VPS13A: variants seen among roughly 807,000 people sequenced by gnomAD.
VPS13A encodes vacuolar protein sorting 13 homolog A, also known as intermembrane lipid transfer protein VPS13A.
Under a neutral mutation model 390.9 loss-of-function variants are expected in VPS13A, and 264 were observed. The observed-to-expected ratio is 0.68, with a 90% CI of 0.61 to 0.75. The LOEUF (loss-of-function observed/expected upper bound fraction) is 0.75. VPS13A is among the 30% of genes least tolerant of loss of function. VPS13A has a pLI of 0.00. For missense variants in VPS13A, 3,409 were observed against 3,733.9 expected (o/e 0.91, Z 2.27); for synonymous variants, 1,231 against 1,227.1 (o/e 1.00, Z -0.07).
At chr9:77,316,814 C>T (rs943303162) in intron 39 of VPS13A, among the ~76,000 whole-genome samples, 1 of 151,974 alleles carries the variant, frequency 6.6e-6, no homozygotes, top group Non-Finnish European at 1.5e-5. Context: ...ATGAGTTTTT[C>T]CTTGTCTCCA....
At chr9:77,272,824 T>A (rs1826427534) in intron 23 of VPS13A, among the ~76,000 whole-genome samples, 1 of 152,296 alleles carries the variant, frequency 6.6e-6, no homozygotes, top group African/African-American at 2.4e-5. Context: ...TTTATTATTA[T>A]TTTTTTAAAC....
chr9:77,366,940 G>A lies in VPS13A; in HGVS notation c.8471+68G>A, dbSNP rs927898964. ...TATTTTATATGTCCCTAAAAATTTC[G>A]TAAATGAAAAAGTGTGTGAAGTACG... is the stretch of plus-strand genomic sequence containing the variant. On this transcript the variant is annotated intron_variant, in intron 61 of 71. Transcript: ENST00000360280. 36 of 1,540,912 alleles carry A rather than the reference G, an allele frequency of 2.3e-5. 1 individual carries two copies. The African/African-American group carries it at 2.6e-4, about 11-fold the overall frequency.
At chr9:77,228,052 A>G in intron 16 of VPS13A, 70 bp from the exon 17 acceptor site, 3 of 1,154,872 alleles carry the variant, frequency 2.6e-6, no homozygotes, top group South Asian at 2.1e-5. Flanking sequence ...AAATGAATGT[A>G]CTATAAGAAT....
intron 59 of VPS13A, 77 bp from the exon 60 acceptor site, chr9:77,365,383 C>A: frequency 1.1e-6 from 1 of 889,938 alleles, no homozygotes; most frequent in Non-Finnish European, 1.9e-6. Context: ...AGAGTTTTGG[C>A]AGTGTGTCTT....
chr9:77,358,187 C>G lies in VPS13A; in HGVS notation c.7954-170C>G, dbSNP rs1374008084. ...GCCAGGCTGGTCTCAAACTCCTGACCCCAGATGATCCACCCGCCTCGGCCT... is the reference window on the plus strand; with the variant it reads ...GCCAGGCTGGTCTCAAACTCCTGACGCCAGATGATCCACCCGCCTCGGCCT... On this transcript the variant is annotated intron_variant, in intron 56 of 71. Transcript: ENST00000360280. Among the ~76,000 whole-genome samples the G allele has an allele frequency of 2.0e-5, 3 of 151,790 alleles. No individual in the cohort carries two copies. In the East Asian group the frequency reaches 5.8e-4, roughly 29 times the overall value.
In VPS13A at chr9:77,419,036, T is replaced by C. The variant is rs1302877073; in HGVS notation, c.*3030T>C. 1.3e-5 allele frequency: 2 copies of C among 152,174 alleles called. No homozygotes were observed. Among genetic ancestry groups the C allele is most frequent in the Non-Finnish European group, 2.9e-5 (2 of 68,010 alleles). The allele number at this position is 152,174 out of a possible 1,614,324, so 9.4% of individuals were successfully genotyped here. Reference sequence around the variant, plus strand: ...TATTAAAAAGATTGGGACAAAATACTTGATTAGTTTGCCTGTAGAAGCTCA... The same window carrying C: ...TATTAAAAAGATTGGGACAAAATACCTGATTAGTTTGCCTGTAGAAGCTCA... On this transcript the variant is annotated 3_prime_UTR_variant, in exon 72 of 72. Transcript: ENST00000360280.
At chr9:77,218,260 C>A (rs942054685) in intron 10 of VPS13A, among the ~76,000 whole-genome samples, 2 of 151,822 alleles carry the variant, frequency 1.3e-5, no homozygotes, top group African/African-American at 4.8e-5. Flanking sequence ...ACTACAGGCA[C>A]CTGCCACCAT....
At chr9:77,201,168 G>A (rs921674063) in intron 2 of VPS13A, among the ~76,000 whole-genome samples, 197 bp from the exon 3 acceptor site, 6 of 151,950 alleles carry the variant, frequency 3.9e-5, no homozygotes, top group African/African-American at 7.3e-5. Context: ...TAAAAGAGCA[G>A]CTTCCCTGGA....
chr9:77,179,489 A>G (rs1375190232), intron 1 of VPS13A, among the ~76,000 whole-genome samples: 2 of 152,190 alleles, frequency 1.3e-5, no homozygotes, highest in African/African-American at 4.8e-5. Flanking sequence ...TCTGCCTCCC[A>G]AAGTGCTGGG....
intron 71 of VPS13A, among the ~76,000 whole-genome samples, chr9:77,411,556 G>C (rs534299065): frequency 6.6e-6 from 1 of 150,944 alleles, no homozygotes; most frequent in African/African-American, 2.4e-5. Flanking sequence ...CCAGCTACGC[G>C]GGAGGCTGAG....
chr9:77,340,332 T>C, intron 49 of VPS13A, 50 bp downstream of exon 49: 1 of 1,597,186 alleles, frequency 6.3e-7, no homozygotes, highest in South Asian at 1.1e-5. Flanking sequence ...AATGTTTCTA[T>C]TAACTACTTA....
At chr9:77,315,866 G>A (rs1033129971) in intron 38 of VPS13A, among the ~76,000 whole-genome samples, 9 of 151,728 alleles carry the variant, frequency 5.9e-5, no homozygotes, top group African/African-American at 1.7e-4. Context: ...TTTAACGTAC[G>A]GTTTCTCTAT....
Position 77,369,405 on chromosome 9 carries a change from C to CTTA in VPS13A, c.8661_8663dup (p.Tyr2888dup). On this transcript the variant is annotated inframe_insertion, in exon 63 of 72. Transcript: ENST00000360280. Reference sequence around the variant, plus strand: ...GGTGTAGAAGCATTTTTTTATGAACCTTACCAGGTAAAATAGTTATTTTTG... The same window carrying CTTA: ...GGTGTAGAAGCATTTTTTTATGAACCTTATTACCAGGTAAAATAGTTATTTTTG... 6.3e-7 allele frequency: 1 copy of CTTA among 1,588,300 alleles called. No homozygotes were observed. Among genetic ancestry groups the CTTA allele is most frequent in the Non-Finnish European group, 8.6e-7 (1 of 1,156,766 alleles).
In VPS13A at chr9:77,178,329, C is replaced by T. The variant is rs374049323; in HGVS notation, c.100+525C>T. 383 of 154,760 alleles carry T rather than the reference C, an allele frequency of 2.5e-3. 1 individual carries two copies. Among genetic ancestry groups the T allele is most frequent in the Non-Finnish European group, 3.5e-3 (245 of 69,602 alleles). 9.6% of individuals were successfully genotyped at this position (154,760 alleles called of 1,614,324 possible). Reference sequence around the variant, plus strand: ...CTTCCTTGCTTCCCCAGCCTCAATTCCTGGCTTCACCCGTGGTGCTTTCTG... The same window carrying T: ...CTTCCTTGCTTCCCCAGCCTCAATTTCTGGCTTCACCCGTGGTGCTTTCTG... On this transcript the variant is annotated intron_variant, in intron 1 of 71. Coordinates refer to ENST00000360280, the MANE Select transcript of VPS13A (RefSeq NM_033305.3).
intron 67 of VPS13A, among the ~76,000 whole-genome samples, chr9:77,374,080 A>G (rs1372353751): frequency 6.6e-6 from 1 of 152,210 alleles, no homozygotes; most frequent in African/African-American, 2.4e-5. Context: ...TATGAAATGA[A>G]GAATGGCATT....
intron 10 of VPS13A, among the ~76,000 whole-genome samples, chr9:77,215,292 A>G (rs1437713758): frequency 2.6e-5 from 4 of 152,156 alleles, no homozygotes; most frequent in Non-Finnish European, 5.9e-5. Flanking sequence ...TGGCTCAGTG[A>G]TACTTTTCTG....
At chr9:77,237,828 G>A (rs1824242669) in intron 17 of VPS13A, among the ~76,000 whole-genome samples, 174 bp from the exon 18 acceptor site, 1 of 152,056 alleles carries the variant, frequency 6.6e-6, no homozygotes, top group African/African-American at 2.4e-5. Flanking sequence ...GATTCTTTGT[G>A]AATTAATCTA....
At chr9:77,280,051 C>T in intron 26 of VPS13A, 108 bp from the exon 27 acceptor site, 1 of 781,200 alleles carries the variant, frequency 1.3e-6, no homozygotes, top group South Asian at 1.6e-5. Flanking sequence ...AGGTCCAGAA[C>T]TCATATAGGA....
chr9:77,399,574 C>A (rs1384695317), intron 68 of VPS13A, among the ~76,000 whole-genome samples: 1 of 152,142 alleles, frequency 6.6e-6, no homozygotes, highest in Non-Finnish European at 1.5e-5. Context: ...CTCTTGAATT[C>A]TATTAGCAGT....
Sources: allele counts gnomAD v4.1 joint callset (sites outside exome capture counted in the v4.1 genomes callset), GRCh38; gene constraint gnomAD v4.1.1; transcripts MANE v1.5; gene names NCBI Gene and HGNC (gene_info 2026-07-23, HGNC 2026-07-21).